STX1B: variants seen among roughly 807,000 people sequenced by gnomAD.
STX1B encodes syntaxin 1B.
A neutral mutation model predicts 39.4 loss-of-function variants in STX1B; 7 were observed. That is an observed-to-expected ratio of 0.18 (90% CI 0.10 to 0.33). The LOEUF (loss-of-function observed/expected upper bound fraction) is 0.33. STX1B is among the 10% of genes least tolerant of loss of function. The pLI is 1.00. For missense variants in STX1B, 198 were observed against 383.2 expected, an observed-to-expected ratio of 0.52 and a Z score of 4.04; for synonymous variants, 136 against 144.1, an observed-to-expected ratio of 0.94 and a Z score of 0.40.
chr16:31,000,233 T>C (rs549511408), intron 4 of STX1B, among the ~76,000 whole-genome samples: 1 of 152,124 alleles, frequency 6.6e-6, no homozygotes, highest in South Asian at 2.1e-4. Context: ...TTTGAACTCC[T>C]AACCTCAGGT....
intron 9 of STX1B, 76 bp from the exon 10 acceptor site, chr16:30,992,977 G>A (rs1596714383): frequency 7.3e-7 from 1 of 1,379,046 alleles, no homozygotes; most frequent in Admixed American, 1.7e-5. Context: ...GACAGACAGG[G>A]CAGAGGGTGG....
intron 8 of STX1B, 21 bp from the exon 9 acceptor site, chr16:30,993,261 C>T: frequency 6.2e-7 from 1 of 1,613,592 alleles, no homozygotes; most frequent in Non-Finnish European, 8.5e-7. Flanking sequence ...AGGAGACATG[C>T]ACAGGGAGGG....
rs763396155 is a variant in STX1B, at chr16:31,001,013, G to C, written c.206-11C>G. The C allele has an allele frequency of 6.2e-7, 1 of 1,614,148 alleles. No individual in the cohort carries two copies. Among genetic ancestry groups the C allele is most frequent in the South Asian group, 1.1e-5 (1 of 91,080 alleles). On this transcript the variant is annotated splice_polypyrimidine_tract_variant and intron_variant, in intron 3 of 9. Coordinates refer to ENST00000215095, the MANE Select transcript of STX1B (RefSeq NM_052874.5). This position sits in a 1 kb window ranked among gnomAD's most constrained non-coding sequence, Gnocchi z 5.5. ...GCTCCTGTTTGGTCTCTGAGGGGAG[G>C]GCGAGGGCAAGTGAGATGTCTGGGT...
chr16:31,010,077 C>T (rs1013317203), intron 1 of STX1B, among the ~76,000 whole-genome samples: 1 of 152,110 alleles, frequency 6.6e-6, no homozygotes, highest in African/African-American at 2.4e-5. Context: ...CACTCTCTCC[C>T]ATCCCCAGAC....
At chr16:30,998,637 A>G (rs1285436254) in intron 4 of STX1B, among the ~76,000 whole-genome samples, 1 of 152,204 alleles carries the variant, frequency 6.6e-6, no homozygotes, top group Non-Finnish European at 1.5e-5. Flanking sequence ...CACTCACTCA[A>G]GGTCACACCC....
At chr16:31,004,673 T>G (rs897861264) in intron 1 of STX1B, among the ~76,000 whole-genome samples, 1 of 128,528 alleles carries the variant, frequency 7.8e-6, no homozygotes, top group African/African-American at 2.7e-5. Context: ...AAGACCCCGT[T>G]TCTTAAAAAA....
chr16:31,000,819 G>A lies in STX1B; in HGVS notation c.280+109C>T. On this transcript the variant is annotated intron_variant, in intron 4 of 9. Coordinates refer to ENST00000215095, the MANE Select transcript of STX1B (RefSeq NM_052874.5). ...TTGCCATGTTGCCCAGGCTGGTGTT[G>A]AACTCCTGGGATTGAGCAATTGGCC... The A allele has an allele frequency of 3.7e-6, 4 of 1,094,418 alleles. 1 individual carries two copies. In the South Asian group the frequency reaches 5.3e-5, roughly 15 times the overall value. The allele number at this position is 1,094,418 out of a possible 1,614,324, so 67.8% of individuals were successfully genotyped here. A position where few individuals can be genotyped will look rare whatever the true frequency, so the allele number is the denominator to read the frequency against.
intron 1 of STX1B, among the ~76,000 whole-genome samples, chr16:31,005,243 G>C (rs1344721043): frequency 5.9e-5 from 9 of 152,108 alleles, no homozygotes; most frequent in Non-Finnish European, 1.5e-5. Context: ...TCCATTTCTG[G>C]AAGAAGTTAG....
In STX1B at chr16:30,996,931, G is replaced by A. The variant is rs1334617137; in HGVS notation, c.463+20C>T. 6.2e-7 allele frequency: 1 copy of A among 1,604,174 alleles called. No individual in the cohort carries two copies. On this transcript the variant is annotated intron_variant, in intron 6 of 9. Coordinates refer to ENST00000215095, the MANE Select transcript of STX1B (RefSeq NM_052874.5). The stretch of plus-strand genomic sequence containing the variant: ...GCAGCCTCAAGGAGTTCGGGGTCCT[G>A]GGGTGGGGGGCACACGCACTGATCT...
Position 31,001,705 on chromosome 16 carries a change from C to T in STX1B, c.31-102G>A. ...TCTCCCTGCTATGCACACACAGGTGCTCCCAGCTCTAGGCTCAGAGGAGGG... is the reference window on the plus strand; with the variant it reads ...TCTCCCTGCTATGCACACACAGGTGTTCCCAGCTCTAGGCTCAGAGGAGGG... On this transcript the variant is annotated intron_variant, in intron 1 of 9. Transcript: ENST00000215095. This position sits in a 1 kb window ranked among gnomAD's most constrained non-coding sequence, Gnocchi z 5.5. 1.1e-6 allele frequency: 1 copy of T among 883,046 alleles called. No individual in the cohort carries two copies. Among genetic ancestry groups the T allele is most frequent in the Non-Finnish European group, 1.8e-6 (1 of 568,500 alleles). The allele number at this position is 883,046 out of a possible 1,614,324, so 54.7% of individuals were successfully genotyped here.
rs140820592 is a variant in STX1B at position 31,010,559 on chromosome 16, G to T, written c.-163C>A. On this transcript the variant is annotated 5_prime_UTR_variant, in exon 1 of 10. Transcript: ENST00000215095. ...CGGGGCCGGGGGCGACTGGCCGAGG[G>T]CCGGGCAGGGGCAGGGGCCTGGGCC... The T allele has an allele frequency of 0.42, 81,436 of 192,806 alleles. 18,830 individuals carry two copies. The highest frequency in any genetic ancestry group is 0.69 in the South Asian group (4,204 of 6,110). 11.9% of individuals were successfully genotyped at this position (192,806 alleles called of 1,614,324 possible).
chr16:30,995,503 T>TC (rs1357277036), intron 7 of STX1B, among the ~76,000 whole-genome samples: 1 of 151,566 alleles, frequency 6.6e-6, no homozygotes, highest in African/African-American at 2.4e-5. Context: ...CTTTTTTTTT[T>TC]TTTTAAGAGA....
intron 7 of STX1B, among the ~76,000 whole-genome samples, chr16:30,995,806 A>C (rs1264842843): frequency 1.3e-5 from 2 of 152,134 alleles, no homozygotes; most frequent in Non-Finnish European, 2.9e-5. Flanking sequence ...ATCCTTTCAT[A>C]TGTAAAAGGA....
chr16:31,000,753 C>T (rs2056622451), intron 4 of STX1B, 175 bp downstream of exon 4: 1 of 667,262 alleles, frequency 1.5e-6, no homozygotes, highest in South Asian at 1.9e-5. Flanking sequence ...GCCTCCCAAA[C>T]TGGCCCAGCT....
chr16:30,996,878 GAGA>G, intron 6 of STX1B, 70 bp downstream of exon 6: 27 of 1,567,622 alleles, frequency 1.7e-5, no homozygotes, highest in Non-Finnish European at 2.4e-5. Flanking sequence ...GCCCCCTCCA[GAGA>G]GGAAATGCCT....
chr16:30,992,806 A>C lies in STX1B; in HGVS notation c.*15T>G. The C allele has an allele frequency of 7.0e-7, 1 of 1,418,492 alleles. No homozygotes were observed. 87.9% of individuals were successfully genotyped at this position (1,418,492 alleles called of 1,614,324 possible). A position where few individuals can be genotyped will look rare whatever the true frequency, so the allele number is the denominator to read the frequency against. On this transcript the variant is annotated 3_prime_UTR_variant, in exon 10 of 10. Coordinates refer to ENST00000215095, the MANE Select transcript of STX1B (RefSeq NM_052874.5). ...GGTGGGGGAAGGGTCTGGGAGAGAGAAGGGTGGGGGGGGCCTACAAGCCCA... is the reference window on the plus strand; with the variant it reads ...GGTGGGGGAAGGGTCTGGGAGAGAGCAGGGTGGGGGGGGCCTACAAGCCCA...
At chr16:31,008,053 A>G (rs145592454) in intron 1 of STX1B, among the ~76,000 whole-genome samples, 1 of 152,172 alleles carries the variant, frequency 6.6e-6, no homozygotes, top group East Asian at 1.9e-4. Flanking sequence ...TGGAAAGACA[A>G]TCAGTCCCCT....
intron 7 of STX1B, among the ~76,000 whole-genome samples, chr16:30,994,676 A>T (rs182568661): frequency 4.0e-5 from 6 of 151,322 alleles, no homozygotes; most frequent in Admixed American, 1.3e-4. Context: ...AGCCTCAGCC[A>T]GGTGACTCAC....
At chr16:30,994,013 G>T (rs2056577352) in intron 7 of STX1B, among the ~76,000 whole-genome samples, 2 of 151,300 alleles carry the variant, frequency 1.3e-5, no homozygotes, top group African/African-American at 4.9e-5. Context: ...TCAGGGCTGG[G>T]CACAGTAGGT....
Sources: gnomAD v4.1 joint callset for allele counts (sites outside exome capture counted in the v4.1 genomes callset) on GRCh38, gnomAD v4.1.1 for gene constraint, Gnocchi (gnomAD v3.1) non-coding constraint, MANE v1.5 for transcripts, NCBI Gene and HGNC (gene_info 2026-07-23, HGNC 2026-07-21) for gene names.